Variants in ZNF516 observed in about 807,000 individuals in gnomAD.
ZNF516 encodes zinc finger protein 516.
ZNF516 carries 19 observed loss-of-function variants against 79.7 expected under a neutral mutation model. That is an observed-to-expected ratio of 0.24 (90% CI 0.17 to 0.35). The LOEUF (loss-of-function observed/expected upper bound fraction) is 0.35, where lower values mean the gene tolerates loss of function less well. Ranked by LOEUF, ZNF516 falls within the 10% of genes least tolerant of loss-of-function variation. The pLI, the probability that ZNF516 is intolerant of heterozygous loss-of-function variation, is 1.00. For synonymous variants in ZNF516, 877 were observed against 739.5 expected, an observed-to-expected ratio of 1.19 and a Z score of -3.02; for missense variants, 1,678 against 1,679.5, an observed-to-expected ratio of 1.00 and a Z score of 0.02.
chr18:76,466,697 G>A (rs1040511070), intron 1 of ZNF516, among the ~76,000 whole-genome samples: 1 of 152,242 alleles, frequency 6.6e-6, no homozygotes, highest in Non-Finnish European at 1.5e-5. Context: ...TGGGTGTGAG[G>A]CAAGACACCC....
chr18:76,407,067 G>A (rs1021053489), intron 3 of ZNF516, among the ~76,000 whole-genome samples: 1 of 152,158 alleles, frequency 6.6e-6, no homozygotes, highest in Non-Finnish European at 1.5e-5. Context: ...GGTTAGAACG[G>A]CTCTGGATTC....
At chr18:76,441,122 G>A in intron 3 of ZNF516, 123 bp downstream of exon 3, 2 of 1,372,466 alleles carry the variant, frequency 1.5e-6, no homozygotes, top group Non-Finnish European at 1.9e-6. Flanking sequence ...AGGCCTAGCT[G>A]AGTAAAGGGC....
chr18:76,399,137 G>A (rs2075184253), intron 3 of ZNF516, among the ~76,000 whole-genome samples: 2 of 152,178 alleles, frequency 1.3e-5, no homozygotes, highest in Admixed American at 1.3e-4. Flanking sequence ...TCCTGGTGCT[G>A]GTGCTACGCG....
At chr18:76,468,931 C>CAA (rs1482372275) in intron 1 of ZNF516, among the ~76,000 whole-genome samples, 1 of 152,140 alleles carries the variant, frequency 6.6e-6, no homozygotes, top group Non-Finnish European at 1.5e-5. Context: ...ATATGTCCTT[C>CAA]AACAATGGAA....
chr18:76,479,230 G>A (rs762914815), intron 1 of ZNF516, among the ~76,000 whole-genome samples: 4 of 152,180 alleles, frequency 2.6e-5, no homozygotes, highest in Non-Finnish European at 4.4e-5. Context: ...TGGACCTACA[G>A]GGCAGGTAAA....
chr18:76,481,947 G>A (rs778602202), intron 1 of ZNF516, among the ~76,000 whole-genome samples: 11 of 152,078 alleles, frequency 7.2e-5, no homozygotes, highest in African/African-American at 2.2e-4. Context: ...TTGGCTTTTT[G>A]TATCAAAGTA....
chr18:76,430,959 G>A (rs1014067597), intron 3 of ZNF516, among the ~76,000 whole-genome samples: 10 of 152,242 alleles, frequency 6.6e-5, no homozygotes, highest in African/African-American at 2.4e-4. Flanking sequence ...TACAGAATCA[G>A]GTAAAATCTC....
intron 3 of ZNF516, among the ~76,000 whole-genome samples, chr18:76,404,400 TG>T (rs1568264200): frequency 6.8e-6 from 1 of 147,328 alleles, no homozygotes; most frequent in Non-Finnish European, 1.5e-5. Context: ...AGAGTATCTG[TG>T]TGAGTGTGGG....
intron 3 of ZNF516, among the ~76,000 whole-genome samples, chr18:76,381,315 A>C (rs1369912368): frequency 1.3e-5 from 2 of 152,200 alleles, no homozygotes; most frequent in East Asian, 3.8e-4. Context: ...TAGACATCGA[A>C]ACAGGGCAGG....
At chr18:76,478,928 C>A (rs1005204379) in intron 1 of ZNF516, among the ~76,000 whole-genome samples, 1 of 151,990 alleles carries the variant, frequency 6.6e-6, no homozygotes, top group African/African-American at 2.4e-5. Flanking sequence ...TGGTTGTGTG[C>A]GCCTGTAATC....
chr18:76,380,035 G>T lies in ZNF516; in HGVS notation c.2079C>A (p.Phe693Leu). The change falls in exon 4 of 7, where the codon TTC becomes TTA. Residue 693 changes from phenylalanine to leucine, a missense_variant. Coordinates refer to ENST00000443185, the MANE Select transcript of ZNF516 (RefSeq NM_014643.4). ...GGCCCTCCGCTCCCGTACTGGAAGGGAACTCCACACCATCACCAGGGACGG... is the reference window on the plus strand; with the variant it reads ...GGCCCTCCGCTCCCGTACTGGAAGGTAACTCCACACCATCACCAGGGACGG... Reference protein sequence around the residue: ...EVPVPGDGVEFPSSTGAEGQT... With the variant: ...EVPVPGDGVELPSSTGAEGQT... 6.2e-7 allele frequency: 1 copy of T among 1,613,958 alleles called. No individual in the cohort carries two copies. Among genetic ancestry groups the T allele is most frequent in the Non-Finnish European group, 8.5e-7 (1 of 1,179,878 alleles).
At chr18:76,378,807 T>C (rs1355706882) in intron 4 of ZNF516, 48 bp downstream of exon 4, 21 of 1,577,476 alleles carry the variant, frequency 1.3e-5, no homozygotes, top group Non-Finnish European at 1.8e-5. Context: ...CGGGGGTGGT[T>C]CTGGGGGTCA....
chr18:76,363,969 G>A (rs1412435476), intron 6 of ZNF516, among the ~76,000 whole-genome samples: 2 of 152,208 alleles, frequency 1.3e-5, no homozygotes, highest in African/African-American at 4.8e-5. Context: ...AGCACCCCCA[G>A]GGCACATCCA....
chr18:76,450,349 C>G (rs1488342776), intron 2 of ZNF516, among the ~76,000 whole-genome samples: 3 of 148,584 alleles, frequency 2.0e-5, no homozygotes, highest in African/African-American at 7.5e-5. Flanking sequence ...CCCCCTCCCC[C>G]ACTCCCCACC....
chr18:76,440,237 G>A (rs1351050179), intron 3 of ZNF516, among the ~76,000 whole-genome samples: 2 of 152,158 alleles, frequency 1.3e-5, no homozygotes, highest in Non-Finnish European at 2.9e-5. Context: ...CTCTGTCCAG[G>A]TTTGGCCAAA....
At chr18:76,477,673 C>T (rs1914252329) in intron 1 of ZNF516, among the ~76,000 whole-genome samples, 1 of 152,236 alleles carries the variant, frequency 6.6e-6, no homozygotes, top group Non-Finnish European at 1.5e-5. Context: ...CCACCCCACA[C>T]ATTCTCAAGC....
In ZNF516 at chr18:76,402,078, G is replaced by C. The variant is rs137879223; in HGVS notation, c.1811-21775C>G. Among the ~76,000 whole-genome samples, 1,227 of 151,432 alleles carry C rather than the reference G, an allele frequency of 8.1e-3. 18 individuals carry two copies. Among genetic ancestry groups the C allele is most frequent in the African/African-American group, 0.027 (1,128 of 41,348 alleles). ...AGTGGTCTCTGCATCCCACAGGGAG[G>C]GGAGGGCTTCTCTGAAAAGAAATTG... On this transcript the variant is annotated intron_variant, in intron 3 of 6. Transcript: ENST00000443185.
At chr18:76,381,191 A>G (rs1011337864) in intron 3 of ZNF516, among the ~76,000 whole-genome samples, 4 of 152,108 alleles carry the variant, frequency 2.6e-5, no homozygotes, top group Admixed American at 2.6e-4. Context: ...CTGTGCTCGG[A>G]GGTTTTAAGG....
intron 2 of ZNF516, 122 bp from the exon 3 acceptor site, chr18:76,443,333 CCAA>C (rs1297620763): frequency 4.3e-5 from 19 of 443,974 alleles, no homozygotes; most frequent in Admixed American, 2.1e-4. Flanking sequence ...AAAAGCGGCA[CCAA>C]CAACACTTCA....
Sources: gnomAD v4.1 joint callset for allele counts (sites outside exome capture counted in the v4.1 genomes callset) on GRCh38, gnomAD v4.1.1 for gene constraint, MANE v1.5 for transcripts, NCBI Gene and HGNC (gene_info 2026-07-23, HGNC 2026-07-21) for gene names.